Variants in LRCH2 observed in about 807,000 individuals in gnomAD.
The protein encoded by LRCH2 is leucine rich repeats and calponin homology domain containing 2.
A neutral mutation model predicts 68.9 loss-of-function variants in LRCH2; 38 were observed. The ratio of observed to expected loss-of-function variants is 0.55; its 90% CI spans 0.43 to 0.72. LRCH2 has a LOEUF of 0.72. Among genes scored for constraint, LRCH2 ranks in the 30% least tolerant of loss-of-function variants. The pLI is 0.00. For missense variants in LRCH2, 528 were observed against 572.9 expected, an observed-to-expected ratio of 0.92 and a Z score of 0.80; for synonymous variants, 191 against 208.1, an observed-to-expected ratio of 0.92 and a Z score of 0.71.
intron 20 of LRCH2, among the ~76,000 whole-genome samples, chrX:115,119,702 G>A (rs781961638): frequency 5.1e-5 from 4 of 78,445 alleles, no homozygotes; most frequent in South Asian, 1.7e-3. Context: ...AAAAGAGCCC[G>A]CATCGCCAAG....
intron 14 of LRCH2, among the ~76,000 whole-genome samples, chrX:115,148,038 G>A (rs1556537003): frequency 2.7e-5 from 3 of 109,387 alleles, no homozygotes; most frequent in African/African-American, 1.0e-4. Flanking sequence ...CTATTGCACT[G>A]CAGTCTGGGC....
intron 20 of LRCH2, among the ~76,000 whole-genome samples, chrX:115,118,634 T>C (rs2072106045): frequency 1.8e-5 from 2 of 110,657 alleles, no homozygotes; most frequent in Admixed American, 1.9e-4. Flanking sequence ...TTCCAATCAA[T>C]AGAAAAAGAG....
chrX:115,175,041 T>C (rs781857998), intron 5 of LRCH2, among the ~76,000 whole-genome samples: 3 of 111,673 alleles, frequency 2.7e-5, no homozygotes, highest in Non-Finnish European at 5.6e-5. Flanking sequence ...CAATTGTGCC[T>C]CCACAACGAA....
intron 20 of LRCH2, among the ~76,000 whole-genome samples, chrX:115,122,316 T>G: frequency 9.0e-6 from 1 of 111,356 alleles, no homozygotes; most frequent in Non-Finnish European, 1.9e-5. Context: ...TTTTCCATAT[T>G]TGTAGCTATT....
intron 14 of LRCH2, among the ~76,000 whole-genome samples, chrX:115,131,375 G>A (rs1002635552): frequency 2.7e-5 from 3 of 109,297 alleles, no homozygotes; most frequent in South Asian, 4.0e-4. Flanking sequence ...CTGTCCTTGC[G>A]ACAGTTTGCT....
At chrX:115,137,913 C>T (rs781846943) in intron 14 of LRCH2, among the ~76,000 whole-genome samples, 1 of 110,478 alleles carries the variant, frequency 9.1e-6, no homozygotes, top group Non-Finnish European at 1.9e-5. Context: ...CACGCCATTG[C>T]ACCCCAGCCT....
At chrX:115,217,586 C>A (rs2073049916) in intron 1 of LRCH2, among the ~76,000 whole-genome samples, 1 of 111,963 alleles carries the variant, frequency 8.9e-6, no homozygotes, top group Non-Finnish European at 1.9e-5. Context: ...ATATAGTATT[C>A]CATGGTATAT....
chrX:115,191,088 A>T, intron 1 of LRCH2: 4 of 1,165,319 alleles, frequency 3.4e-6, no homozygotes, highest in Non-Finnish European at 4.6e-6. Context: ...GCTATGGAGG[A>T]GAAGGCCGCT....
intron 5 of LRCH2, 74 bp from the exon 6 acceptor site, chrX:115,170,506 T>C: frequency 1.2e-6 from 1 of 860,739 alleles, no homozygotes; most frequent in Non-Finnish European, 1.5e-6. Context: ...AACCATTCAA[T>C]AGTCTCAAAT....
At chrX:115,121,275 C>T (rs1453543781) in intron 20 of LRCH2, among the ~76,000 whole-genome samples, 1 of 110,649 alleles carries the variant, frequency 9.0e-6, no homozygotes, top group Admixed American at 9.6e-5. Context: ...CTGCAGAAAA[C>T]GTTGCTAAGT....
intron 1 of LRCH2, among the ~76,000 whole-genome samples, chrX:115,203,283 C>T (rs2072942461): frequency 8.9e-6 from 1 of 112,046 alleles, no homozygotes. Flanking sequence ...TCCCCTGACA[C>T]ATGGCAATTA....
chrX:115,209,111 A>G (rs1364366451), intron 1 of LRCH2, among the ~76,000 whole-genome samples: 2 of 112,677 alleles, frequency 1.8e-5, no homozygotes, highest in East Asian at 5.5e-4. Context: ...AATTCACATC[A>G]AGAATAACCT....
At chrX:115,144,174 C>T (rs1431926664) in intron 14 of LRCH2, among the ~76,000 whole-genome samples, 2 of 111,581 alleles carry the variant, frequency 1.8e-5, no homozygotes, top group African/African-American at 3.3e-5. Context: ...CCATGTAAGA[C>T]GTGCCTTTCA....
intron 1 of LRCH2, among the ~76,000 whole-genome samples, chrX:115,207,237 C>A (rs1245730685): frequency 9.0e-6 from 1 of 110,699 alleles, no homozygotes; most frequent in Non-Finnish European, 1.9e-5. Flanking sequence ...ACCTAAAAAT[C>A]GGGGGAAAAA....
chrX:115,149,274 G>A (rs2072413202), intron 14 of LRCH2, among the ~76,000 whole-genome samples: 1 of 111,248 alleles, frequency 9.0e-6, no homozygotes, highest in African/African-American at 3.3e-5. Context: ...TTACAAATGT[G>A]TACACAGTAA....
At chrX:115,163,607 T>C in intron 11 of LRCH2, 69 bp downstream of exon 11, 2 of 768,502 alleles carry the variant, frequency 2.6e-6, no homozygotes, top group Admixed American at 3.0e-5. Flanking sequence ...TATACTTTGA[T>C]AATCTTTAAA....
At chrX:115,161,718 A>G (rs1442224284) in intron 11 of LRCH2, among the ~76,000 whole-genome samples, 9 of 111,474 alleles carry the variant, frequency 8.1e-5, no homozygotes, top group African/African-American at 2.6e-4. Context: ...TTACAAAACT[A>G]TCACAAAAAT....
At chrX:115,223,453 T>TA (rs201346687) in intron 1 of LRCH2, among the ~76,000 whole-genome samples, 17,710 of 40,021 alleles carry the variant, frequency 0.44, 1,238 homozygotes, top group South Asian at 0.57. Flanking sequence ...AATTTTTTTT[T>TA]TAAAAAAACC....
chrX:115,190,948 C>A, intron 1 of LRCH2: 1 of 1,162,880 alleles, frequency 8.6e-7, no homozygotes, highest in Non-Finnish European at 1.1e-6. Context: ...CTGGAGCGAC[C>A]GCTACGGAGT....
Sources: allele counts gnomAD v4.1 joint callset (sites outside exome capture counted in the v4.1 genomes callset), GRCh38; gene constraint gnomAD v4.1.1; transcripts MANE v1.5; gene names NCBI Gene and HGNC (gene_info 2026-07-23, HGNC 2026-07-21).